Variants in ITPR2 observed in about 807,000 individuals in gnomAD.
ITPR2 encodes the protein inositol 1,4,5-trisphosphate receptor type 2.
Under a neutral mutation model 317.1 loss-of-function variants are expected in ITPR2, and 207 were observed. The observed-to-expected ratio is 0.65, with a 90% confidence interval of 0.58 to 0.73. The LOEUF (loss-of-function observed/expected upper bound fraction) is 0.73. ITPR2 is among the 30% of genes least tolerant of loss of function. The pLI is 0.00. For synonymous variants in ITPR2, 1,156 were observed against 1,149.1 expected (o/e 1.01, Z -0.12); for missense variants, 2,613 against 3,284.0 (o/e 0.80, Z 4.99).
In ITPR2 at chr12:26,486,214, T is replaced by C. The variant is rs1456447547; in HGVS notation, c.5701A>G (p.Thr1901Ala). ...IMCTGPEAGN[T>A]EEKSAEEVTM... is the part of the protein sequence containing the mutation. ...ACTTCCTCTGCGGATTTTTCCTCAGTGTTTCCCGCTTCTGGTCCTGTGCAC... is the reference window on the plus strand; with the variant it reads ...ACTTCCTCTGCGGATTTTTCCTCAGCGTTTCCCGCTTCTGGTCCTGTGCAC... Residue 1901 changes from threonine to alanine, a missense_variant, in exon 41 of 57, where the codon ACT becomes GCT. Transcript: ENST00000381340. The C allele has an allele frequency of 1.2e-6, 2 of 1,614,026 alleles. No individual in the cohort carries two copies. Among genetic ancestry groups the C allele is most frequent in the East Asian group, 4.5e-5 (2 of 44,876 alleles).
At chr12:26,696,826 A>G (rs775569257) in intron 9 of ITPR2, among the ~76,000 whole-genome samples, 7 of 152,196 alleles carry the variant, frequency 4.6e-5, no homozygotes, top group Non-Finnish European at 1.0e-4. Context: ...AAACCTATAG[A>G]GAAGAGTTTC....
At chr12:26,654,475 C>T (rs1391461550) in intron 20 of ITPR2, among the ~76,000 whole-genome samples, 1 of 152,138 alleles carries the variant, frequency 6.6e-6, no homozygotes, top group Non-Finnish European at 1.5e-5. Flanking sequence ...TGGCTATTAT[C>T]CAAGAAATTT....
chr12:26,557,421 A>G (rs1269012333), intron 35 of ITPR2, among the ~76,000 whole-genome samples: 1 of 152,216 alleles, frequency 6.6e-6, no homozygotes, highest in Admixed American at 6.5e-5. Context: ...CTGTCCAGGT[A>G]TGATTATGCG....
chr12:26,505,303 A>G (rs1341078825), intron 37 of ITPR2, among the ~76,000 whole-genome samples: 1 of 152,184 alleles, frequency 6.6e-6, no homozygotes, highest in Non-Finnish European at 1.5e-5. Flanking sequence ...ACACAATGCA[A>G]CACCTACAGA....
At chr12:26,346,679 A>G (rs1387091406) in intron 55 of ITPR2, among the ~76,000 whole-genome samples, 1 of 152,120 alleles carries the variant, frequency 6.6e-6, no homozygotes, top group Non-Finnish European at 1.5e-5. Context: ...TAAATGTGAT[A>G]TCTGATCTGT....
chr12:26,826,859 T>C (rs1019011588), intron 1 of ITPR2, among the ~76,000 whole-genome samples: 3 of 152,178 alleles, frequency 2.0e-5, no homozygotes, highest in Non-Finnish European at 4.4e-5. Flanking sequence ...TATCCCACTA[T>C]CCCAAGAATT....
At chr12:26,431,172 A>T (rs974065529) in intron 48 of ITPR2, among the ~76,000 whole-genome samples, 5 of 152,230 alleles carry the variant, frequency 3.3e-5, no homozygotes, top group African/African-American at 1.2e-4. Context: ...CACCATGAAG[A>T]ACTCATTTTC....
At chr12:26,812,623 G>GTACAGCT (rs912040274) in intron 1 of ITPR2, among the ~76,000 whole-genome samples, 1 of 152,180 alleles carries the variant, frequency 6.6e-6, no homozygotes, top group South Asian at 2.1e-4. Flanking sequence ...AGCTGTACCA[G>GTACAGCT]TACAGCTTAC....
At chr12:26,346,913 C>A (rs1938330611) in intron 55 of ITPR2, among the ~76,000 whole-genome samples, 3 of 152,030 alleles carry the variant, frequency 2.0e-5, no homozygotes, top group Non-Finnish European at 4.4e-5. Context: ...GTAAAGACAG[C>A]TTAAAAAAAC....
At chr12:26,810,698 G>A (rs2137263853) in intron 1 of ITPR2, among the ~76,000 whole-genome samples, 2 of 152,282 alleles carry the variant, frequency 1.3e-5, no homozygotes, top group East Asian at 3.9e-4. Flanking sequence ...CTCCCTTAAT[G>A]TTACATTCCT....
chr12:26,628,690 C>T (rs1946679763), intron 22 of ITPR2, among the ~76,000 whole-genome samples: 1 of 152,154 alleles, frequency 6.6e-6, no homozygotes, highest in Non-Finnish European at 1.5e-5. Context: ...GTTTGGGTTG[C>T]TGTCATTGTT....
Position 26,631,857 on chromosome 12 carries a change from G to T in ITPR2, c.2934+9C>A. ...ATCTTTGTCACCTAGCTTCTGTTAG[G>T]CAACACACCTGCAAAATCTCAATGA... is the stretch of plus-strand genomic sequence containing the variant. On this transcript the variant is annotated intron_variant, in intron 22 of 56. Transcript: ENST00000381340. The T allele has an allele frequency of 6.2e-7, 1 of 1,611,946 alleles. No homozygotes were observed. Among genetic ancestry groups the T allele is most frequent in the Non-Finnish European group, 8.5e-7 (1 of 1,178,798 alleles).
rs547052735 is a variant in ITPR2 at position 26,735,213 on chromosome 12, G to A, written c.164-9448C>T. Reference sequence around the variant, plus strand: ...AACGGGGTTTCACCATGTTAGCCAGGCTGGTCTCGAACTCCTGACCTCAGG... The same window carrying A: ...AACGGGGTTTCACCATGTTAGCCAGACTGGTCTCGAACTCCTGACCTCAGG... On this transcript the variant is annotated intron_variant, in intron 2 of 56. Transcript: ENST00000381340. Among the ~76,000 whole-genome samples, 11 of 152,210 alleles carry A rather than the reference G, an allele frequency of 7.2e-5. No homozygotes were observed. In the East Asian group the frequency reaches 1.2e-3, roughly 16 times the overall value.
At chr12:26,533,951 A>G (rs1403143930) in intron 37 of ITPR2, among the ~76,000 whole-genome samples, 5 of 152,208 alleles carry the variant, frequency 3.3e-5, no homozygotes, top group Admixed American at 1.3e-4. Context: ...GATACAATAC[A>G]AGGCAGATTC....
intron 45 of ITPR2, among the ~76,000 whole-genome samples, chr12:26,460,651 T>G (rs768036111): frequency 9.2e-5 from 14 of 152,094 alleles, no homozygotes; most frequent in Non-Finnish European, 1.5e-4. Context: ...TGCAGACAAC[T>G]TGAATAAAAA....
intron 2 of ITPR2, among the ~76,000 whole-genome samples, chr12:26,745,886 T>C (rs751892631): frequency 2.0e-5 from 3 of 152,296 alleles, no homozygotes; most frequent in Non-Finnish European, 4.4e-5. Context: ...AGATTTAAAA[T>C]TGAAACCTCA....
chr12:26,342,404 G>C (rs1323531914), intron 55 of ITPR2, among the ~76,000 whole-genome samples: 3 of 150,756 alleles, frequency 2.0e-5, no homozygotes, highest in African/African-American at 7.3e-5. Context: ...CCATGGTTTA[G>C]ATATGGTTTG....
chr12:26,701,482 G>A (rs550127357), intron 9 of ITPR2, among the ~76,000 whole-genome samples: 1 of 152,252 alleles, frequency 6.6e-6, no homozygotes, highest in African/African-American at 2.4e-5. Context: ...AGAAAGGAGA[G>A]AAAATAACCT....
chr12:26,741,520 G>T (rs144816449), intron 2 of ITPR2, among the ~76,000 whole-genome samples: 1,586 of 152,140 alleles, frequency 0.01, 27 homozygotes, highest in African/African-American at 0.035. Context: ...ATTTTACCAT[G>T]TCAGTTGACA....
Sources: gnomAD v4.1 joint callset for allele counts (sites outside exome capture counted in the v4.1 genomes callset) on GRCh38, gnomAD v4.1.1 for gene constraint, MANE v1.5 for transcripts, NCBI Gene and HGNC (gene_info 2026-07-23, HGNC 2026-07-21) for gene names.